STPG2: variants seen among roughly 807,000 people sequenced by gnomAD.
STPG2 encodes the protein sperm tail PG-rich repeat containing 2.
In STPG2, 56 loss-of-function variants were observed where a neutral mutation model predicts 54.2. That is an observed-to-expected ratio of 1.03 (90% confidence interval 0.83 to 1.29). The LOEUF (loss-of-function observed/expected upper bound fraction) is 1.29, where lower values mean the gene tolerates loss of function less well. Among genes scored for constraint, STPG2 ranks in the 50% most tolerant of loss-of-function variants. The pLI, the probability that STPG2 is intolerant of heterozygous loss-of-function variation, is 0.00. For synonymous variants in STPG2, 200 were observed against 181.8 expected, an observed-to-expected ratio of 1.10 and a Z score of -0.81; for missense variants, 596 against 544.9, an observed-to-expected ratio of 1.09 and a Z score of -0.93.
At chr4:97,984,964 ATTG>A (rs762034537) in intron 5 of STPG2, among the ~76,000 whole-genome samples, 26 of 152,116 alleles carry the variant, frequency 1.7e-4, no homozygotes, top group Non-Finnish European at 1.3e-4. Context: ...AACTAACATC[ATTG>A]TTTTCTGGTT....
At chr4:97,441,529 C>T (rs986586539) in intron 4 of STPG2, 1 of 151,948 alleles carries the variant, frequency 6.6e-6, no homozygotes, top group Non-Finnish European at 1.5e-5. Flanking sequence ...TACCTTTGGA[C>T]TATATCTGTG....
At chr4:97,443,845 G>A (rs1229618943) in intron 4 of STPG2, among the ~76,000 whole-genome samples, 2 of 152,104 alleles carry the variant, frequency 1.3e-5, no homozygotes, top group Non-Finnish European at 2.9e-5. Flanking sequence ...TCAAAAAACA[G>A]AAAACTAAAA....
chr4:97,801,890 G>C (rs1727412256), intron 9 of STPG2, among the ~76,000 whole-genome samples: 1 of 152,028 alleles, frequency 6.6e-6, no homozygotes, highest in Non-Finnish European at 1.5e-5. Context: ...ATAAAGGATT[G>C]GCATAACAGG....
At chr4:97,991,457 GTGTATATA>G (rs1332023862) in intron 5 of STPG2, among the ~76,000 whole-genome samples, 9 of 142,254 alleles carry the variant, frequency 6.3e-5, no homozygotes, top group African/African-American at 1.8e-4. Flanking sequence ...GTGTGTGTGT[GTGTATATA>G]TATATATGTA....
intron 5 of STPG2, among the ~76,000 whole-genome samples, chr4:97,998,684 T>C (rs1735318317): frequency 6.6e-6 from 1 of 152,202 alleles, no homozygotes; most frequent in Non-Finnish European, 1.5e-5. Flanking sequence ...TTGCATCAGC[T>C]TGTGAGCACT....
At chr4:97,874,133 C>A (rs1730091508) in intron 8 of STPG2, among the ~76,000 whole-genome samples, 1 of 151,462 alleles carries the variant, frequency 6.6e-6, no homozygotes, top group Non-Finnish European at 1.5e-5. Flanking sequence ...TAAATTTTAT[C>A]AATCAAAATA....
intron 5 of STPG2, among the ~76,000 whole-genome samples, chr4:98,002,806 A>C (rs1735452413): frequency 6.6e-6 from 1 of 152,142 alleles, no homozygotes; most frequent in South Asian, 2.1e-4. Context: ...AGTTTTTTAA[A>C]GTGCACACTC....
intron 10 of STPG2, among the ~76,000 whole-genome samples, chr4:97,626,946 T>C (rs564403399): frequency 1.3e-5 from 2 of 152,218 alleles, no homozygotes; most frequent in South Asian, 2.1e-4. Flanking sequence ...GGTTCCTTTT[T>C]TCTATGTTGT....
intron 10 of STPG2, among the ~76,000 whole-genome samples, chr4:97,569,440 C>G (rs1433601102): frequency 2.6e-5 from 4 of 152,116 alleles, no homozygotes; most frequent in Non-Finnish European, 5.9e-5. Context: ...CTATCTTAAC[C>G]TGTGACTAAG....
In STPG2 at chr4:97,871,115, A is replaced by G. The variant is rs185036072; in HGVS notation, c.1045-30183T>C. Among the ~76,000 whole-genome samples, 15 of 151,198 alleles carry G rather than the reference A, an allele frequency of 9.9e-5. 1 individual carries two copies. Among genetic ancestry groups the G allele is most frequent in the Admixed American group, 7.3e-4 (11 of 15,134 alleles). ...TCAAATTATAGAATTTCTGAAAACA[A>G]TAATGATAATGAAAACACTACCTTA... On this transcript the variant is annotated intron_variant, in intron 8 of 10. Coordinates refer to ENST00000295268, the MANE Select transcript of STPG2 (RefSeq NM_174952.3).
At chr4:97,756,930 C>A (rs533850185) in intron 9 of STPG2, among the ~76,000 whole-genome samples, 4 of 151,952 alleles carry the variant, frequency 2.6e-5, no homozygotes, top group Non-Finnish European at 5.9e-5. Flanking sequence ...GTAGATGCAC[C>A]CCTCTTTGCT....
chr4:98,010,566 G>C (rs760548705), intron 5 of STPG2, among the ~76,000 whole-genome samples: 1 of 151,862 alleles, frequency 6.6e-6, no homozygotes. Context: ...CTTGGTTTGT[G>C]GTTTTTTGTT....
chr4:98,016,655 T>C (rs1735955169), intron 5 of STPG2, among the ~76,000 whole-genome samples: 1 of 152,198 alleles, frequency 6.6e-6, no homozygotes, highest in Admixed American at 6.5e-5. Context: ...ATTTTCTTCA[T>C]GTATTGTTTT....
At chr4:97,841,793 T>G (rs1053203299) in intron 8 of STPG2, among the ~76,000 whole-genome samples, 14 of 151,658 alleles carry the variant, frequency 9.2e-5, no homozygotes, top group Non-Finnish European at 7.4e-5. Context: ...TGTTCCTGAG[T>G]TTTTGCATGT....
intron 10 of STPG2, among the ~76,000 whole-genome samples, chr4:97,650,534 G>C (rs757510161): frequency 6.6e-6 from 1 of 152,098 alleles, no homozygotes; most frequent in Non-Finnish European, 1.5e-5. Context: ...ACATTCTCTA[G>C]TTGACAATTG....
At chr4:98,105,880 G>A in intron 5 of STPG2, 73 bp downstream of exon 5, 3 of 1,302,724 alleles carry the variant, frequency 2.3e-6, no homozygotes, top group Non-Finnish European at 3.2e-6. Context: ...AAAGAGCACA[G>A]TAACCTTGTG....
chr4:97,812,064 C>T (rs112011682), intron 9 of STPG2, among the ~76,000 whole-genome samples: 3,098 of 152,028 alleles, frequency 0.02, 100 homozygotes, highest in African/African-American at 0.071. Flanking sequence ...TTATCAAAGA[C>T]TGAAGAAATA....
At chr4:97,953,735 C>A (rs1418168173) in intron 7 of STPG2, among the ~76,000 whole-genome samples, 1 of 152,196 alleles carries the variant, frequency 6.6e-6, no homozygotes, top group Non-Finnish European at 1.5e-5. Flanking sequence ...GGGTGTGTAT[C>A]CTGGAGGCAT....
At chr4:97,620,723 T>C (rs1312951641) in intron 10 of STPG2, among the ~76,000 whole-genome samples, 3 of 152,044 alleles carry the variant, frequency 2.0e-5, no homozygotes, top group Non-Finnish European at 4.4e-5. Flanking sequence ...CCTGACAATA[T>C]TAGACAGATC....
Sources: gnomAD v4.1 joint callset for allele counts (sites outside exome capture counted in the v4.1 genomes callset) on GRCh38, gnomAD v4.1.1 for gene constraint, MANE v1.5 for transcripts, NCBI Gene and HGNC (gene_info 2026-07-23, HGNC 2026-07-21) for gene names.